The following TMEM132D variants were observed in gnomAD, a reference collection of about 807,000 sequenced individuals.
TMEM132D encodes transmembrane protein 132D.
Under a neutral mutation model 62.3 loss-of-function variants are expected in TMEM132D, and 21 were observed. The observed-to-expected ratio is 0.34, with a 90% CI of 0.24 to 0.49. The LOEUF is 0.49. Among genes scored for constraint, TMEM132D ranks in the 20% least tolerant of loss-of-function variants. The pLI is 0.99. For synonymous variants in TMEM132D, 621 were observed against 575.6 expected (o/e 1.08, Z -1.13); for missense variants, 1,346 against 1,402.8 (o/e 0.96, Z 0.65).
chr12:129,322,286 A>G (rs960377819), intron 4 of TMEM132D, among the ~76,000 whole-genome samples: 3 of 152,140 alleles, frequency 2.0e-5, no homozygotes, highest in Non-Finnish European at 4.4e-5. Flanking sequence ...CTGGTGATGT[A>G]AAAGCATCAG....
chr12:129,727,178 G>C (rs917768304), intron 1 of TMEM132D, among the ~76,000 whole-genome samples: 2 of 152,204 alleles, frequency 1.3e-5, no homozygotes, highest in Non-Finnish European at 2.9e-5. Context: ...TCCATTTTCT[G>C]CTGCTATAAT....
At chr12:129,189,494 G>T (rs958487849) in intron 5 of TMEM132D, among the ~76,000 whole-genome samples, 3 of 152,142 alleles carry the variant, frequency 2.0e-5, no homozygotes, top group Non-Finnish European at 4.4e-5. Context: ...ACCCTCCGGG[G>T]TCACTGCCAG....
chr12:129,429,683 A>G (rs1030413353), intron 3 of TMEM132D, among the ~76,000 whole-genome samples: 4 of 150,172 alleles, frequency 2.7e-5, no homozygotes, highest in African/African-American at 9.8e-5. Context: ...TGCTGCACCC[A>G]TTAACTCGTC....
intron 2 of TMEM132D, among the ~76,000 whole-genome samples, chr12:129,582,704 C>T (rs1294391665): frequency 7.3e-5 from 11 of 149,736 alleles, no homozygotes; most frequent in South Asian, 6.4e-4. Flanking sequence ...CTGCAACCTC[C>T]GCCTCCCGGG....
At chr12:129,170,007 T>A (rs748490443) in intron 5 of TMEM132D, 1 of 152,250 alleles carries the variant, frequency 6.6e-6, no homozygotes, top group Non-Finnish European at 1.5e-5. Context: ...TCCTCACGCT[T>A]GCTGTGGTTC....
At chr12:129,737,277 GGC>G (rs1345641825) in intron 1 of TMEM132D, among the ~76,000 whole-genome samples, 2 of 152,138 alleles carry the variant, frequency 1.3e-5, no homozygotes, top group African/African-American at 4.8e-5. Flanking sequence ...AATGTCTCCA[GGC>G]ATTGCCAAGT....
chr12:129,642,345 G>A (rs925750055), intron 2 of TMEM132D, among the ~76,000 whole-genome samples: 1 of 152,230 alleles, frequency 6.6e-6, no homozygotes, highest in Non-Finnish European at 1.5e-5. Flanking sequence ...TTAGCCCCAG[G>A]TACAACACAG....
chr12:129,616,861 T>G (rs576434102), intron 2 of TMEM132D, among the ~76,000 whole-genome samples: 1 of 152,224 alleles, frequency 6.6e-6, no homozygotes, highest in Admixed American at 6.5e-5. Flanking sequence ...TTTGTTATTG[T>G]TGAAGTTTGT....
At chr12:129,458,529 T>G (rs907132255) in intron 3 of TMEM132D, among the ~76,000 whole-genome samples, 1 of 152,076 alleles carries the variant, frequency 6.6e-6, no homozygotes, top group African/African-American at 2.4e-5. Context: ...ATCAGATGTG[T>G]CTGGTCTGAT....
intron 4 of TMEM132D, among the ~76,000 whole-genome samples, chr12:129,263,924 G>A (rs1397563357): frequency 6.6e-6 from 1 of 152,138 alleles, no homozygotes; most frequent in African/African-American, 2.4e-5. Context: ...GAGAAAAAAG[G>A]GACTTGGTTC....
At chr12:129,734,746 G>A (rs1869365299) in intron 1 of TMEM132D, among the ~76,000 whole-genome samples, 1 of 152,178 alleles carries the variant, frequency 6.6e-6, no homozygotes, top group East Asian at 1.9e-4. Context: ...GGAAACAAAA[G>A]CAAAGGGTTA....
chr12:129,753,465 C>T (rs556554006), intron 1 of TMEM132D, among the ~76,000 whole-genome samples: 1 of 152,274 alleles, frequency 6.6e-6, no homozygotes, highest in South Asian at 2.1e-4. Context: ...TAACGTTCTC[C>T]AAATCACAAA....
chr12:129,425,323 T>C (rs551468395), intron 3 of TMEM132D, among the ~76,000 whole-genome samples: 79 of 152,182 alleles, frequency 5.2e-4, no homozygotes, highest in African/African-American at 1.4e-3. Flanking sequence ...TTTAAGAAAC[T>C]GAGGAAGCTT....
chr12:129,771,667 C>A (rs888999905), intron 1 of TMEM132D, among the ~76,000 whole-genome samples: 1 of 152,102 alleles, frequency 6.6e-6, no homozygotes, highest in Admixed American at 6.5e-5. Flanking sequence ...TCCTGTGATC[C>A]CAGCGATCCA....
chr12:129,462,183 G>A (rs2137039750), intron 3 of TMEM132D, among the ~76,000 whole-genome samples: 1 of 152,186 alleles, frequency 6.6e-6, no homozygotes, highest in Non-Finnish European at 1.5e-5. Flanking sequence ...GTGAATCTTT[G>A]GGGTAAGATT....
At chr12:129,585,374 T>C (rs11060451) in intron 2 of TMEM132D, among the ~76,000 whole-genome samples, 4,224 of 152,298 alleles carry the variant, frequency 0.028, 222 homozygotes, top group African/African-American at 0.097. Flanking sequence ...CCCATTTGTT[T>C]TGGAGGCACA....
chr12:129,747,902 C>T (rs1000218596), intron 1 of TMEM132D, among the ~76,000 whole-genome samples: 1 of 152,118 alleles, frequency 6.6e-6, no homozygotes, highest in African/African-American at 2.4e-5. Flanking sequence ...CACAGCTGAA[C>T]TCATCTCCCT....
chr12:129,263,805 T>G (rs12422694), intron 4 of TMEM132D, among the ~76,000 whole-genome samples: 21,284 of 151,904 alleles, frequency 0.14, 2,135 homozygotes, highest in African/African-American at 0.27. Flanking sequence ...ACACCTGCAG[T>G]CAGGGTTCTT....
intron 3 of TMEM132D, among the ~76,000 whole-genome samples, chr12:129,476,944 A>G (rs1479018918): frequency 6.6e-6 from 1 of 152,142 alleles, no homozygotes; most frequent in African/African-American, 2.4e-5. Flanking sequence ...TTTTTGTCCA[A>G]AAACCCTGAT....
Sources: allele counts gnomAD v4.1 joint callset (sites outside exome capture counted in the v4.1 genomes callset), GRCh38; gene constraint gnomAD v4.1.1; transcripts MANE v1.5; gene names NCBI Gene and HGNC (gene_info 2026-07-23, HGNC 2026-07-21).